CNTN5: variants seen among roughly 807,000 people sequenced by gnomAD.
CNTN5 encodes contactin 5.
In CNTN5, 77 loss-of-function variants were observed where a neutral mutation model predicts 129.1. The observed-to-expected ratio is 0.60, with a 90% CI of 0.50 to 0.72. CNTN5 has a LOEUF of 0.72. Among genes scored for constraint, CNTN5 ranks in the 30% least tolerant of loss-of-function variants. The pLI is 0.00. For missense variants in CNTN5, 1,478 were observed against 1,328.8 expected (o/e 1.11, Z -1.75); for synonymous variants, 509 against 465.6 (o/e 1.09, Z -1.20).
chr11:100,256,026 T>C, intron 17 of CNTN5, 108 bp downstream of exon 17: 1 of 959,226 alleles, frequency 1.0e-6, no homozygotes, highest in Non-Finnish European at 1.5e-6. Context: ...GAAATCTCTT[T>C]GTTATTTCTT....
intron 6 of CNTN5, among the ~76,000 whole-genome samples, chr11:99,848,704 C>T (rs940537468): frequency 2.0e-5 from 3 of 152,062 alleles, no homozygotes; most frequent in African/African-American, 4.8e-5. Flanking sequence ...TTATTGAATA[C>T]TTATTTTTAC....
At chr11:99,774,735 C>T (rs1945065064) in intron 3 of CNTN5, among the ~76,000 whole-genome samples, 1 of 151,938 alleles carries the variant, frequency 6.6e-6, no homozygotes, top group Non-Finnish European at 1.5e-5. Context: ...ACAGCTTCTT[C>T]TCTTAGAATG....
chr11:99,812,730 C>T (rs1177143510), intron 3 of CNTN5, among the ~76,000 whole-genome samples: 1 of 152,088 alleles, frequency 6.6e-6, no homozygotes, highest in Non-Finnish European at 1.5e-5. Context: ...GAGCTAATCT[C>T]ACCCAAAAAT....
chr11:100,297,128 C>T (rs1951114163), intron 18 of CNTN5, among the ~76,000 whole-genome samples: 1 of 151,318 alleles, frequency 6.6e-6, no homozygotes, highest in Non-Finnish European at 1.5e-5. Context: ...AATGTTTATT[C>T]ATTTAAGTAG....
chr11:99,063,571 C>T (rs1864977229), intron 1 of CNTN5, among the ~76,000 whole-genome samples: 1 of 151,676 alleles, frequency 6.6e-6, no homozygotes, highest in African/African-American at 2.4e-5. Flanking sequence ...CATATGTGTG[C>T]CTGCATGTGT....
intron 7 of CNTN5, among the ~76,000 whole-genome samples, chr11:99,927,402 A>G (rs149707102): frequency 1.3e-5 from 2 of 152,234 alleles, no homozygotes; most frequent in Non-Finnish European, 2.9e-5. Context: ...AGTATATTGT[A>G]TTGTATTAGT....
chr11:99,403,008 CTTT>C (rs56376015), intron 2 of CNTN5, among the ~76,000 whole-genome samples: 28,574 of 141,942 alleles, frequency 0.2, 3,026 homozygotes, highest in Middle Eastern at 0.29. Context: ...TGTTAAACTT[CTTT>C]TTTTTTTTTT....
rs568280092 is a variant in CNTN5, at chr11:99,115,929, T to C, written c.-210+94659T>C. On this transcript the variant is annotated intron_variant, in intron 1 of 24. Transcript: ENST00000524871. ...TAAGGGAAGATTTTAGAATGAAATG[T>C]CATTTAAATAGGCTCATTTGTGAAA... 3.2e-4 allele frequency among the ~76,000 whole-genome samples: 49 copies of C among 152,272 alleles called. No homozygotes were observed. In the Middle Eastern group the frequency reaches 0.014, roughly 42 times the overall value.
At chr11:99,761,650 TAATC>T (rs1944586537) in intron 3 of CNTN5, among the ~76,000 whole-genome samples, 2 of 152,138 alleles carry the variant, frequency 1.3e-5, no homozygotes, top group African/African-American at 4.8e-5. Context: ...CACATTTTCT[TAATC>T]AGTCTATCAT....
intron 1 of CNTN5, among the ~76,000 whole-genome samples, chr11:99,137,448 AG>A (rs1381760736): frequency 6.6e-6 from 1 of 152,092 alleles, no homozygotes; most frequent in African/African-American, 2.4e-5. Context: ...TCATTATACG[AG>A]GTAGTTTCCA....
At chr11:99,711,232 G>A (rs1333237143) in intron 3 of CNTN5, among the ~76,000 whole-genome samples, 3 of 151,828 alleles carry the variant, frequency 2.0e-5, no homozygotes, top group Non-Finnish European at 2.9e-5. Context: ...AGAGATAGAT[G>A]ATATTTATAA....
chr11:99,408,681 C>A (rs1942250407), intron 2 of CNTN5, among the ~76,000 whole-genome samples: 1 of 152,102 alleles, frequency 6.6e-6, no homozygotes, highest in East Asian at 1.9e-4. Flanking sequence ...CATTATCTTG[C>A]CCCATAAATT....
intron 2 of CNTN5, among the ~76,000 whole-genome samples, chr11:99,421,233 C>T (rs571518298): frequency 6.6e-6 from 1 of 151,964 alleles, no homozygotes; most frequent in African/African-American, 2.4e-5. Context: ...GACAACATAC[C>T]TCAGATTCCT....
rs141676027 is a variant in CNTN5, at chr11:99,867,829, C to G, written c.577+22567C>G. ...GATTTGAGGATTCAGATGTGGACAA[C>G]GTTGAATTGTTTTGCCTACTACCTG... On this transcript the variant is annotated intron_variant, in intron 6 of 24. Coordinates refer to ENST00000524871, the MANE Select transcript of CNTN5 (RefSeq NM_014361.4). 3.2e-3 allele frequency among the ~76,000 whole-genome samples: 491 copies of G among 152,230 alleles called. 3 individuals are homozygous for G. Among genetic ancestry groups the G allele is most frequent in the African/African-American group, 0.011 (467 of 41,524 alleles).
intron 6 of CNTN5, among the ~76,000 whole-genome samples, chr11:99,894,048 G>T (rs565667668): frequency 2.4e-4 from 37 of 152,040 alleles, no homozygotes; most frequent in African/African-American, 8.7e-4. Flanking sequence ...CCAGCTGGTG[G>T]CATTCTTTTA....
chr11:99,119,581 A>T (rs943282028), intron 1 of CNTN5, among the ~76,000 whole-genome samples: 2 of 152,108 alleles, frequency 1.3e-5, no homozygotes, highest in Non-Finnish European at 2.9e-5. Context: ...TATTGTATCT[A>T]GTGCTGCAAT....
chr11:99,085,972 A>G (rs1271727603), intron 1 of CNTN5, among the ~76,000 whole-genome samples: 1 of 152,238 alleles, frequency 6.6e-6, no homozygotes, highest in Non-Finnish European at 1.5e-5. Context: ...ACACACTGTA[A>G]CAGATTTATA....
chr11:100,181,318 ATAC>A (rs1317113577), intron 13 of CNTN5, among the ~76,000 whole-genome samples: 1 of 152,010 alleles, frequency 6.6e-6, no homozygotes, highest in Non-Finnish European at 1.5e-5. Flanking sequence ...CAAAAGTTAT[ATAC>A]TGTTAGATTC....
intron 8 of CNTN5, among the ~76,000 whole-genome samples, chr11:99,999,631 A>G (rs1462678546): frequency 2.6e-5 from 4 of 152,168 alleles, no homozygotes; most frequent in Admixed American, 2.6e-4. Context: ...TAGAAATACC[A>G]TTTGACCCAG....
Sources: allele counts gnomAD v4.1 joint callset (sites outside exome capture counted in the v4.1 genomes callset), GRCh38; gene constraint gnomAD v4.1.1; transcripts MANE v1.5; gene names NCBI Gene and HGNC (gene_info 2026-07-23, HGNC 2026-07-21).